The following SAMD9L variants were observed in gnomAD, a reference collection of about 807,000 sequenced individuals.
The protein encoded by SAMD9L is sterile alpha motif domain containing 9 like, also known as sterile alpha motif domain-containing protein 9-like.
Under a neutral mutation model 90.7 loss-of-function variants are expected in SAMD9L, and 68 were observed. The observed-to-expected ratio is 0.75, with a 90% CI of 0.62 to 0.92. The LOEUF (loss-of-function observed/expected upper bound fraction) is 0.92, where lower values mean the gene tolerates loss of function less well. Ranked by LOEUF, SAMD9L falls within the 40% of genes least tolerant of loss-of-function variation. SAMD9L has a pLI of 0.00. For missense variants in SAMD9L, 1,604 were observed against 1,824.3 expected (o/e 0.88, Z 2.20); for synonymous variants, 640 against 630.1 (o/e 1.02, Z -0.23).
At position 93,134,699 on chromosome 7, in the gene SAMD9L, G is replaced by A. The variant is rs1365460279; in HGVS notation, c.1273C>T (p.His425Tyr). The A allele has an allele frequency of 1.9e-6, 3 of 1,613,480 alleles. No homozygotes were observed. The highest frequency in any genetic ancestry group is 1.7e-6 in the Non-Finnish European group (2 of 1,179,796). The change falls in exon 5 of 5, where the codon CAT becomes TAT. Residue 425 changes from histidine to tyrosine, a missense_variant. By Grantham distance (83) the His-to-Tyr change is moderately conservative. This residue lies in a region of SAMD9L where 606 missense variants were observed against 717.6 expected (regional missense o/e 0.84). Coordinates refer to ENST00000318238, the MANE Select transcript of SAMD9L (RefSeq NM_152703.5). ...TCTAAGTGCTTTATTTGGTTTGGAT[G>A]GCATTTATTTGTTACAAGAATGTAC... ...DWYILVTNKCHPNQIKHLDFL... is the reference protein window; with the variant it reads ...DWYILVTNKCYPNQIKHLDFL...
At position 93,133,935 on chromosome 7, in the gene SAMD9L, A is replaced by T. The variant is rs188902048; in HGVS notation, c.2037T>A (p.Phe679Leu). The T allele has an allele frequency of 1.2e-6, 2 of 1,613,874 alleles. No individual in the cohort carries two copies. Among genetic ancestry groups the T allele is most frequent in the Non-Finnish European group, 1.7e-6 (2 of 1,179,876 alleles). The change falls in exon 5 of 5, where the codon TTT becomes TTA. Residue 679 changes from phenylalanine to leucine, a missense_variant. By Grantham distance (22) the Phe-to-Leu change is conservative. Coordinates refer to ENST00000318238, the MANE Select transcript of SAMD9L (RefSeq NM_152703.5). ...IEKDKSKFLE[F>L]KKSKEEHFYR... Reference sequence around the variant, plus strand: ...AAAAGTGTTCTTCTTTTGATTTCTTAAACTCCAGGAATTTAGATTTGTCTT... The same window carrying T: ...AAAAGTGTTCTTCTTTTGATTTCTTTAACTCCAGGAATTTAGATTTGTCTT...
rs762958109 is a variant in SAMD9L at position 93,132,156 on chromosome 7, A to G, written c.3816T>C (p.Ile1272=). Residue 1272 remains isoleucine (I), a synonymous_variant, in exon 5 of 5, where the codon ATT becomes ATC. Coordinates refer to ENST00000318238, the MANE Select transcript of SAMD9L (RefSeq NM_152703.5). ...TCATTTTCAGAAGAACCATATAATC[A>G]ATAAAAAAGTCAAAGCACCTTTTCA... ...SDLKRCFDFF[I]DYMVLLKMRY... The G allele has an allele frequency of 6.2e-7, 1 of 1,613,096 alleles. No homozygotes were observed. Among genetic ancestry groups the G allele is most frequent in the Non-Finnish European group, 8.5e-7 (1 of 1,179,676 alleles).
intron 1 of SAMD9L, 149 bp from the exon 2 acceptor site, chr7:93,147,295 G>A (rs1333781804): frequency 6.6e-6 from 1 of 152,192 alleles, no homozygotes; most frequent in Non-Finnish European, 1.5e-5. Flanking sequence ...CTTGACTTAA[G>A]TCTTGGCTTT....
chr7:93,136,735 G>C (rs1240533917), intron 4 of SAMD9L, among the ~76,000 whole-genome samples: 1 of 152,222 alleles, frequency 6.6e-6, no homozygotes, highest in Non-Finnish European at 1.5e-5. Context: ...AATGGCAAGA[G>C]CTGCCTATTT....
In SAMD9L at chr7:93,131,544, G is replaced by T. The variant is rs778159444; in HGVS notation, c.4428C>A (p.Phe1476Leu). Reference protein sequence around the residue: ...MCRSKQASTLFYLGKRKGLNS... With the variant: ...MCRSKQASTLLYLGKRKGLNS... Reference sequence around the variant, plus strand: ...TTAGACCCTTCCTTTTGCCCAGATAGAAAAGTGTGCTTGCCTGCTTGGACC... The same window carrying T: ...TTAGACCCTTCCTTTTGCCCAGATATAAAAGTGTGCTTGCCTGCTTGGACC... The change falls in exon 5 of 5, where the codon TTC (phenylalanine) becomes TTA (leucine). Residue 1476 changes from phenylalanine (F) to leucine (L), a missense_variant. Transcript: ENST00000318238. The T allele has an allele frequency of 6.2e-7, 1 of 1,613,968 alleles. No individual in the cohort carries two copies. Among genetic ancestry groups the T allele is most frequent in the South Asian group, 1.1e-5 (1 of 91,078 alleles).
chr7:93,132,013 C>CT lies in SAMD9L; in HGVS notation c.3958dup (p.Ser1320LysfsTer20). On this transcript the variant is annotated frameshift_variant, in exon 5 of 5. Transcript: ENST00000318238. LOFTEE classifies it high-confidence loss of function. ...GCAATTCTCCTCCTGGAGTAATTGA[C>CT]TCTCTTTACTTTGTAATAGACATGG... The CT allele has an allele frequency of 6.2e-7, 1 of 1,613,120 alleles. No homozygotes were observed. Among genetic ancestry groups the CT allele is most frequent in the Non-Finnish European group, 8.5e-7 (1 of 1,179,704 alleles).
intron 4 of SAMD9L, among the ~76,000 whole-genome samples, chr7:93,142,865 C>G (rs1326318904): frequency 6.6e-6 from 1 of 152,224 alleles, no homozygotes; most frequent in Non-Finnish European, 1.5e-5. Flanking sequence ...GTAATTCAAG[C>G]TACCCATCCT....
intron 1 of SAMD9L, among the ~76,000 whole-genome samples, chr7:93,147,838 A>G (rs1028326941): frequency 6.6e-6 from 1 of 152,208 alleles, no homozygotes; most frequent in Non-Finnish European, 1.5e-5. Flanking sequence ...AATTTTGTGT[A>G]ATTACACAAG....
intron 4 of SAMD9L, among the ~76,000 whole-genome samples, chr7:93,143,960 C>A (rs910557671): frequency 1.3e-5 from 2 of 152,152 alleles, no homozygotes; most frequent in African/African-American, 4.8e-5. Context: ...TCATGTTTAG[C>A]AAGAAGCTAC....
intron 4 of SAMD9L, among the ~76,000 whole-genome samples, chr7:93,144,265 T>C (rs983964351): frequency 1.3e-5 from 2 of 152,202 alleles, no homozygotes; most frequent in African/African-American, 4.8e-5. Flanking sequence ...TCTTTATTTG[T>C]ACACTGGGCC....
Position 93,133,427 on chromosome 7 carries a change from C to T in SAMD9L, c.2545G>A (p.Ala849Thr), listed in dbSNP as rs557135798. Residue 849 changes from alanine to threonine, a missense_variant, in exon 5 of 5, where the codon GCA becomes ACA. Around this residue, in one of 7 missense-constraint regions of SAMD9L, gnomAD observed 606 missense variants for 717.6 expected, o/e 0.84. Coordinates refer to ENST00000318238, the MANE Select transcript of SAMD9L (RefSeq NM_152703.5). ...CMRSRNPDES[A>T]KLADSIALNY... Reference sequence around the variant, plus strand: ...AGTGCAATACTGTCTGCCAATTTTGCACTTTCATCTGGATTCCGGGATCTC... The same window carrying T: ...AGTGCAATACTGTCTGCCAATTTTGTACTTTCATCTGGATTCCGGGATCTC... 3.1e-6 allele frequency: 5 copies of T among 1,613,312 alleles called. No individual in the cohort carries two copies. The highest frequency in any genetic ancestry group is 1.3e-5 in the African/African-American group (1 of 75,036).
chr7:93,137,735 T>A lies in SAMD9L; in HGVS notation c.-20-1744A>T, dbSNP rs1792511273. Among the ~76,000 whole-genome samples, 4 of 4,540 alleles carry A rather than the reference T, an allele frequency of 8.8e-4. No individual in the cohort carries two copies. The South Asian group carries it at 0.013, about 14-fold the overall frequency. 3.0% of individuals were successfully genotyped at this position (4,540 alleles called of 152,430 possible). ...GTTCCTTAGGTTTAAGGAACCTAAG[T>A]TTTTTTTTTTTTTTTTTTTTTAATT... On this transcript the variant is annotated intron_variant, in intron 4 of 4. Coordinates refer to ENST00000318238, the MANE Select transcript of SAMD9L (RefSeq NM_152703.5).
At position 93,130,093 on chromosome 7, in the gene SAMD9L, T is replaced by C. The variant is rs1792023226; in HGVS notation, c.*1124A>G. 6.6e-6 allele frequency: 1 copy of C among 152,220 alleles called. No individual in the cohort carries two copies. Among genetic ancestry groups the C allele is most frequent in the East Asian group, 1.9e-4 (1 of 5,206 alleles). 9.4% of individuals were successfully genotyped at this position (152,220 alleles called of 1,614,324 possible). ...TATATTTTTTATTCAATATTCAATT[T>C]AATCTATATTAGCCTATGTTTCACT... is the stretch of plus-strand genomic sequence containing the variant. On this transcript the variant is annotated 3_prime_UTR_variant, in exon 5 of 5. Transcript: ENST00000318238.
In SAMD9L at chr7:93,132,957, G is replaced by C; in HGVS notation, c.3015C>G (p.His1005Gln). The C allele has an allele frequency of 6.2e-7, 1 of 1,613,390 alleles. No homozygotes were observed. Reference protein sequence around the residue: ...YCLKELERSYHLDKCQIALNI... With the variant: ...YCLKELERSYQLDKCQIALNI... ...TCAATGCAATTTGACATTTATCCAAGTGATAGCTTCTTTCCAGTTCTTTTA... is the reference window on the plus strand; with the variant it reads ...TCAATGCAATTTGACATTTATCCAACTGATAGCTTCTTTCCAGTTCTTTTA... Residue 1005 changes from histidine to glutamine, a missense_variant, in exon 5 of 5, where the codon CAC (histidine) becomes CAG (glutamine). His to Gln is a conservative substitution (Grantham distance 24, BLOSUM62 0). Around this residue, in one of 7 missense-constraint regions of SAMD9L, gnomAD observed 302 missense variants for 314.7 expected, o/e 0.96. Coordinates refer to ENST00000318238, the MANE Select transcript of SAMD9L (RefSeq NM_152703.5).
intron 4 of SAMD9L, among the ~76,000 whole-genome samples, chr7:93,138,049 T>C (rs1226547246): frequency 6.6e-6 from 1 of 152,206 alleles, no homozygotes; most frequent in Non-Finnish European, 1.5e-5. Flanking sequence ...CTGGTTGTCT[T>C]AGTGCCTTGA....
At position 93,131,076 on chromosome 7, in the gene SAMD9L, G is replaced by A; in HGVS notation, c.*141C>T. 1.9e-6 allele frequency: 1 copy of A among 536,858 alleles called. No homozygotes were observed. The highest frequency in any genetic ancestry group is 3.2e-6 in the Non-Finnish European group (1 of 312,544). 33.3% of individuals were successfully genotyped at this position (536,858 alleles called of 1,614,324 possible). ...CATATTTCATATCTTAAAAAGGCTT[G>A]TAATTCATTCAGGGAGGCAAAAGCA... On this transcript the variant is annotated 3_prime_UTR_variant, in exon 5 of 5. Transcript: ENST00000318238.
At position 93,132,558 on chromosome 7, in the gene SAMD9L, G is replaced by T. The variant is rs752558099; in HGVS notation, c.3414C>A (p.Asn1138Lys). 8.7e-6 allele frequency: 14 copies of T among 1,613,704 alleles called. No homozygotes were observed. The highest frequency in any genetic ancestry group is 1.2e-5 in the Non-Finnish European group (14 of 1,179,820). ...KSEIKWWLDG[N>K]KNCRSITVND... ...TAACAGTAATGCTCCTACAGTTTTT[G>T]TTCCCATCCAACCACCATTTGATTT... is the stretch of plus-strand genomic sequence containing the variant. The change falls in exon 5 of 5, where the codon AAC (asparagine) becomes AAA (lysine). Residue 1138 changes from asparagine to lysine, a missense_variant. By Grantham distance (94) the Asn-to-Lys change is moderately conservative (BLOSUM62 0). Around this residue, in one of 7 missense-constraint regions of SAMD9L, gnomAD observed 302 missense variants for 314.7 expected, o/e 0.96. Coordinates refer to ENST00000318238, the MANE Select transcript of SAMD9L (RefSeq NM_152703.5).
In SAMD9L at chr7:93,146,944, C is replaced by T. The variant is rs963549018; in HGVS notation, c.-840G>A. The stretch of plus-strand genomic sequence containing the variant: ...GGCCATTTCTCACACAGCGTTTTCC[C>T]TGGAGGAGGTCCCTTTTGACTCTAG... On this transcript the variant is annotated 5_prime_UTR_variant, in exon 2 of 5. Transcript: ENST00000318238. 3 of 152,218 alleles carry T rather than the reference C, an allele frequency of 2.0e-5. No homozygotes were observed. The highest frequency in any genetic ancestry group is 4.4e-5 in the Non-Finnish European group (3 of 68,060). 9.4% of individuals were successfully genotyped at this position (152,218 alleles called of 1,614,324 possible).
rs1306938555 is a variant in SAMD9L at position 93,131,805 on chromosome 7, A to C, written c.4167T>G (p.Ile1389Met). Residue 1389 changes from isoleucine to methionine, a missense_variant, in exon 5 of 5, where the codon ATT becomes ATG. Transcript: ENST00000318238. ...TGGAGTTGGGCTTTAGACAACTCAG[A>C]ATAATGTTGGCCAAAATGGAATTTT... ...EKQNSILANI[I>M]LSCLKPNSKL... is the part of the protein sequence containing the mutation. 6.2e-7 allele frequency: 1 copy of C among 1,613,462 alleles called. No individual in the cohort carries two copies. The highest frequency in any genetic ancestry group is 8.5e-7 in the Non-Finnish European group (1 of 1,179,884).
Sources: gnomAD v4.1 joint callset for allele counts (sites outside exome capture counted in the v4.1 genomes callset) on GRCh38, gnomAD v4.1.1 for gene constraint, gnomAD v4.1.1 regional missense constraint, MANE v1.5 for transcripts, NCBI Gene and HGNC (gene_info 2026-07-23, HGNC 2026-07-21) for gene names.